The following DLGAP1 variants were observed in gnomAD, a reference collection of about 807,000 sequenced individuals.
DLGAP1 encodes DLG associated protein 1.
Under a neutral mutation model 90.8 loss-of-function variants are expected in DLGAP1, and 11 were observed. The observed-to-expected ratio is 0.12, with a 90% CI of 0.08 to 0.20. The LOEUF (loss-of-function observed/expected upper bound fraction) is 0.20. DLGAP1 is among the 10% of genes least tolerant of loss of function. DLGAP1 has a pLI of 1.00. For synonymous variants in DLGAP1, 558 were observed against 540.7 expected (o/e 1.03, Z -0.44); for missense variants, 1,050 against 1,333.8 (o/e 0.79, Z 3.31).
At chr18:4,039,398 A>G (rs945398485) in intron 2 of DLGAP1, among the ~76,000 whole-genome samples, 7 of 152,160 alleles carry the variant, frequency 4.6e-5, no homozygotes, top group African/African-American at 1.7e-4. Flanking sequence ...GATGTCCAGG[A>G]TGGATGCTGG....
chr18:4,211,264 G>A (rs540080123), intron 1 of DLGAP1, among the ~76,000 whole-genome samples: 1 of 152,100 alleles, frequency 6.6e-6, no homozygotes, highest in Non-Finnish European at 1.5e-5. Flanking sequence ...AGTTACTAAT[G>A]GCATGAATCA....
chr18:3,628,004 G>A lies in DLGAP1; in HGVS notation c.1592-45756C>T, dbSNP rs1257564731. Among the ~76,000 whole-genome samples the A allele has an allele frequency of 4.0e-5, 6 of 148,600 alleles. No homozygotes were observed. In the South Asian group the frequency reaches 6.5e-4, roughly 16 times the overall value. On this transcript the variant is annotated intron_variant, in intron 7 of 12. Coordinates refer to ENST00000315677, the MANE Select transcript of DLGAP1 (RefSeq NM_004746.4). ...AGTGATTCTCCTGCCACAGCCTCCC[G>A]AGTAGCTGGGATTACAGGCGCGCAC...
At position 4,390,674 on chromosome 18, in the gene DLGAP1, C is replaced by T. The variant is rs886324876; in HGVS notation, c.-267+64332G>A. Among the ~76,000 whole-genome samples, 36 of 152,152 alleles carry T rather than the reference C, an allele frequency of 2.4e-4. 1 individual carries two copies. The highest frequency in any genetic ancestry group is 8.7e-4 in the African/African-American group (36 of 41,430). On this transcript the variant is annotated intron_variant, in intron 1 of 12. Coordinates refer to ENST00000315677, the MANE Select transcript of DLGAP1 (RefSeq NM_004746.4). ...CACTTAGTACGGATTTAGTTTCCTTCATGTCTTTTTGTGGCTTGATAGCTG... is the reference window on the plus strand; with the variant it reads ...CACTTAGTACGGATTTAGTTTCCTTTATGTCTTTTTGTGGCTTGATAGCTG...
At chr18:3,505,618 AAC>A (rs1343082710) in intron 11 of DLGAP1, among the ~76,000 whole-genome samples, 2 of 148,472 alleles carry the variant, frequency 1.3e-5, no homozygotes, top group Non-Finnish European at 3.0e-5. Flanking sequence ...CAGCCTGGGC[AAC>A]AGAGTGAGAC....
chr18:4,006,864 T>C (rs781145144), intron 2 of DLGAP1, among the ~76,000 whole-genome samples: 10 of 152,140 alleles, frequency 6.6e-5, no homozygotes, highest in Non-Finnish European at 1.3e-4. Flanking sequence ...CCCAGGCTGA[T>C]GCTGCACTCC....
chr18:3,801,200 C>T (rs1262773865), intron 5 of DLGAP1, among the ~76,000 whole-genome samples: 2 of 152,208 alleles, frequency 1.3e-5, no homozygotes, highest in Non-Finnish European at 2.9e-5. Flanking sequence ...GACCCAAACA[C>T]CTTCCACCAG....
chr18:4,001,603 A>G (rs867377838), intron 3 of DLGAP1, among the ~76,000 whole-genome samples: 1 of 152,148 alleles, frequency 6.6e-6, no homozygotes, highest in Non-Finnish European at 1.5e-5. Flanking sequence ...ACAAGTATGT[A>G]TCTGCTATCT....
At chr18:3,646,864 G>A (rs967429168) in intron 7 of DLGAP1, among the ~76,000 whole-genome samples, 3 of 152,130 alleles carry the variant, frequency 2.0e-5, no homozygotes, top group African/African-American at 7.2e-5. Flanking sequence ...GGCGGAGCTT[G>A]CAGTGAGCCA....
At chr18:3,549,611 G>T (rs1046512689) in intron 9 of DLGAP1, among the ~76,000 whole-genome samples, 1 of 152,150 alleles carries the variant, frequency 6.6e-6, no homozygotes, top group African/African-American at 2.4e-5. Flanking sequence ...GATCACAGGC[G>T]TGAGCCACCA....
At chr18:4,105,915 C>T (rs2075854956) in intron 2 of DLGAP1, among the ~76,000 whole-genome samples, 1 of 151,404 alleles carries the variant, frequency 6.6e-6, no homozygotes, top group African/African-American at 2.4e-5. Flanking sequence ...ACCTGTAGTC[C>T]CAGCTACTCG....
intron 5 of DLGAP1, among the ~76,000 whole-genome samples, chr18:3,755,589 A>AC (rs1450586234): frequency 6.6e-6 from 1 of 152,258 alleles, no homozygotes; most frequent in Non-Finnish European, 1.5e-5. Context: ...GGCGTCTTAT[A>AC]ACAACAAAAG....
intron 9 of DLGAP1, among the ~76,000 whole-genome samples, chr18:3,563,428 T>C (rs1254319107): frequency 6.6e-6 from 1 of 152,000 alleles, no homozygotes. Flanking sequence ...GTTGTAGCTG[T>C]CTCACTGTTC....
intron 1 of DLGAP1, among the ~76,000 whole-genome samples, chr18:4,314,565 A>G (rs1397607749): frequency 6.6e-6 from 1 of 152,238 alleles, no homozygotes; most frequent in African/African-American, 2.4e-5. Context: ...TTAATTCTAT[A>G]AAGTGATTTA....
At chr18:3,510,316 A>G (rs189505840) in intron 10 of DLGAP1, among the ~76,000 whole-genome samples, 2 of 152,316 alleles carry the variant, frequency 1.3e-5, no homozygotes, top group Admixed American at 6.5e-5. Context: ...ATTGCTTAGG[A>G]CTGTGTTGGA....
At chr18:3,780,328 T>A (rs574206876) in intron 5 of DLGAP1, among the ~76,000 whole-genome samples, 9 of 152,320 alleles carry the variant, frequency 5.9e-5, no homozygotes, top group African/African-American at 2.2e-4. Context: ...TATGTTACAT[T>A]CCTGGAGGTC....
At chr18:3,557,084 AT>A (rs1742767000) in intron 9 of DLGAP1, among the ~76,000 whole-genome samples, 1 of 151,928 alleles carries the variant, frequency 6.6e-6, no homozygotes. Flanking sequence ...TTTATTTTGG[AT>A]TTAATTTGCT....
chr18:3,639,100 A>C (rs2058829109), intron 7 of DLGAP1, among the ~76,000 whole-genome samples: 1 of 152,202 alleles, frequency 6.6e-6, no homozygotes, highest in Non-Finnish European at 1.5e-5. Context: ...TCACGCCTGT[A>C]ATCCCAGCAC....
chr18:3,978,186 C>T (rs80181385), intron 3 of DLGAP1: 4,696 of 422,054 alleles, frequency 0.011, 108 homozygotes, highest in African/African-American at 0.056. Context: ...GCACAGGAGG[C>T]GTTGCCGATG....
At chr18:3,741,103 T>C (rs1488471583) in intron 6 of DLGAP1, among the ~76,000 whole-genome samples, 567 of 52,904 alleles carry the variant, frequency 0.011, 2 homozygotes, top group Non-Finnish European at 0.013. Flanking sequence ...ACCACCACCA[T>C]CACCATCACC....
Sources: allele counts gnomAD v4.1 joint callset (sites outside exome capture counted in the v4.1 genomes callset), GRCh38; gene constraint gnomAD v4.1.1; transcripts MANE v1.5; gene names NCBI Gene and HGNC (gene_info 2026-07-23, HGNC 2026-07-21).